Variants in PASK observed in about 807,000 individuals in gnomAD.
PASK encodes PAS domain containing serine/threonine kinase.
Under a neutral mutation model 121.0 loss-of-function variants are expected in PASK, and 110 were observed. The observed-to-expected ratio is 0.91, with a 90% CI of 0.78 to 1.06. The LOEUF (loss-of-function observed/expected upper bound fraction) is 1.06. Among genes scored for constraint, PASK ranks in the 50% least tolerant of loss-of-function variants. PASK has a pLI of 0.00. For synonymous variants in PASK, 686 were observed against 717.8 expected (o/e 0.96, Z 0.71); for missense variants, 1,643 against 1,702.3 (o/e 0.97, Z 0.61).
intron 1 of PASK, among the ~76,000 whole-genome samples, chr2:241,145,007 G>A (rs566285228): frequency 6.6e-5 from 10 of 152,208 alleles, no homozygotes; most frequent in East Asian, 5.8e-4. Flanking sequence ...TCCGCCTCCC[G>A]GGTTCACGCC....
Position 241,107,395 on chromosome 2 carries a change from C to T in PASK, c.3772G>A (p.Ala1258Thr). The T allele has an allele frequency of 1.2e-6, 2 of 1,614,054 alleles. No homozygotes were observed. Reference protein sequence around the residue: ...DPWVTQPVNLADYTWEEVFRV... With the variant: ...DPWVTQPVNLTDYTWEEVFRV... The stretch of plus-strand genomic sequence containing the variant: ...AACACCTCTTCCCATGTATAGTCAG[C>T]AAGATTCACAGGCTGTGTTACCCAC... Residue 1258 changes from alanine to threonine, a missense_variant, in exon 17 of 18, where the codon GCT becomes ACT. By Grantham distance (58) the Ala-to-Thr change is moderately conservative. Coordinates refer to ENST00000234040, the MANE Select transcript of PASK (RefSeq NM_015148.4).
chr2:241,138,587 C>G lies in PASK; in HGVS notation c.741+67G>C, dbSNP rs985302187. On this transcript the variant is annotated intron_variant, in intron 5 of 17. Coordinates refer to ENST00000234040, the MANE Select transcript of PASK (RefSeq NM_015148.4). ...CAAAGGAATGAGACAGGGACCAGCACTTGCTGAAGAGGAGAACGACGCCGG... is the reference window on the plus strand; with the variant it reads ...CAAAGGAATGAGACAGGGACCAGCAGTTGCTGAAGAGGAGAACGACGCCGG... 1.0e-5 allele frequency: 16 copies of G among 1,570,614 alleles called. No homozygotes were observed. In the African/African-American group the frequency reaches 1.6e-4, roughly 16 times the overall value.
At chr2:241,109,808 G>T (rs1221422636) in intron 15 of PASK, 2 of 152,250 alleles carry the variant, frequency 1.3e-5, no homozygotes, top group Non-Finnish European at 2.9e-5. Flanking sequence ...CAATAGAACA[G>T]AACAGAGGTT....
chr2:241,133,230 G>A, intron 8 of PASK, 200 bp from the exon 9 acceptor site: 1 of 645,606 alleles, frequency 1.5e-6, no homozygotes, highest in South Asian at 1.7e-5. Flanking sequence ...CAGGACACCT[G>A]CAGCCAGCTA....
Position 241,132,199 on chromosome 2 carries a change from T to G in PASK, c.1463+675A>C, listed in dbSNP as rs553294603. Among the ~76,000 whole-genome samples, 33 of 152,212 alleles carry G rather than the reference T, an allele frequency of 2.2e-4. 2 individuals are homozygous for G. The South Asian group carries it at 6.6e-3, about 31-fold the overall frequency. ...CCTAATTCTCTAATATAAACTTTCT[T>G]TACTCTAAATAGAATATTTTAAAAT... On this transcript the variant is annotated intron_variant, in intron 9 of 17. Transcript: ENST00000234040.
chr2:241,128,787 G>A (rs952629514), intron 9 of PASK, among the ~76,000 whole-genome samples: 1 of 151,982 alleles, frequency 6.6e-6, no homozygotes, highest in Non-Finnish European at 1.5e-5. Flanking sequence ...CCTCGCTTGA[G>A]CACAGGAGTC....
At chr2:241,139,566 T>TC (rs2066602604) in intron 4 of PASK, 7 of 603,612 alleles carry the variant, frequency 1.2e-5, no homozygotes, top group Non-Finnish European at 2.2e-5. Context: ...GAGCATCTGA[T>TC]GTGCTGCCCG....
At chr2:241,150,006 G>C, upstream of PASK, 3 of 1,404,630 alleles carry the variant, frequency 2.1e-6, no homozygotes, top group Non-Finnish European at 2.8e-6. Context: ...TGCTCTTGCC[G>C]TTCGGCCCAT....
chr2:241,145,696 G>T (rs1198175470), intron 1 of PASK: 1 of 149,132 alleles, frequency 6.7e-6, no homozygotes, highest in Non-Finnish European at 1.5e-5. Context: ...CCAATGTGGT[G>T]AAACCCCATC....
rs573791964 is a variant in PASK, at chr2:241,106,143, G to A, written c.*423C>T. 2.3e-4 allele frequency: 51 copies of A among 225,108 alleles called. No homozygotes were observed. Among genetic ancestry groups the A allele is most frequent in the Non-Finnish European group, 3.8e-4 (43 of 113,154 alleles). 13.9% of individuals were successfully genotyped at this position (225,108 alleles called of 1,614,324 possible). ...GTGCTTTAATTTGAAAAGCATTTGA[G>A]GAAATAAATTAATGAAATAGTCTGG... On this transcript the variant is annotated 3_prime_UTR_variant, in exon 18 of 18. Coordinates refer to ENST00000234040, the MANE Select transcript of PASK (RefSeq NM_015148.4).
At chr2:241,110,371 GC>G (rs1469506908) in intron 15 of PASK, among the ~76,000 whole-genome samples, 5 of 152,218 alleles carry the variant, frequency 3.3e-5, no homozygotes, top group Non-Finnish European at 4.4e-5. Flanking sequence ...CAAGACAGAA[GC>G]CAGGGCCCTG....
intron 12 of PASK, among the ~76,000 whole-genome samples, chr2:241,117,203 G>A (rs551133478): frequency 6.6e-6 from 1 of 152,314 alleles, no homozygotes; most frequent in South Asian, 2.1e-4. Flanking sequence ...AGAGAAGGGG[G>A]CAACTTGGGT....
At position 241,140,770 on chromosome 2, in the gene PASK, AG is replaced by A; in HGVS notation, c.197-18del. The A allele has an allele frequency of 6.4e-7, 1 of 1,558,726 alleles. No homozygotes were observed. The highest frequency in any genetic ancestry group is 1.1e-5 in the South Asian group (1 of 89,814). On this transcript the variant is annotated intron_variant, in intron 2 of 17. Coordinates refer to ENST00000234040, the MANE Select transcript of PASK (RefSeq NM_015148.4). Reference sequence around the variant, plus strand: ...ATCTGTCTTCTGAAAAGAGAAGCGAAGCGAAGCTTTAGACTTCACACAGCTG... The same window carrying A: ...ATCTGTCTTCTGAAAAGAGAAGCGAACGAAGCTTTAGACTTCACACAGCTG...
chr2:241,140,792 A>T, intron 2 of PASK, 39 bp from the exon 3 acceptor site: 1 of 1,355,826 alleles, frequency 7.4e-7, no homozygotes, highest in Non-Finnish European at 1.1e-6. Flanking sequence ...GACTTCACAC[A>T]GCTGCCAGAG....
At position 241,126,382 on chromosome 2, in the gene PASK, C is replaced by T; in HGVS notation, c.2533G>A (p.Gly845Arg). ...HYAASDRESP[G>R]HVPSTLDAGP... The stretch of plus-strand genomic sequence containing the variant: ...GCATCCAACGTGGAAGGAACGTGTC[C>T]TGGGCTTTCTCTGTCGCTTGCTGCA... Residue 845 changes from glycine (G) to arginine (R), a missense_variant, in exon 10 of 18, where the codon GGA (glycine) becomes AGA (arginine). Physicochemically the swap from Gly to Arg is moderately radical, Grantham distance 125. Coordinates refer to ENST00000234040, the MANE Select transcript of PASK (RefSeq NM_015148.4). 6.2e-7 allele frequency: 1 copy of T among 1,614,258 alleles called. No homozygotes were observed. Among genetic ancestry groups the T allele is most frequent in the Non-Finnish European group, 8.5e-7 (1 of 1,180,048 alleles).
chr2:241,126,533 G>A lies in PASK; in HGVS notation c.2382C>T (p.Asp794=). The change falls in exon 10 of 18, where the codon GAC becomes GAT. Residue 794 remains aspartate, a synonymous_variant. Transcript: ENST00000234040. The part of the protein sequence containing the change: ...LQEQGSCVLD[D]RELLLLTGTC... Reference sequence around the variant, plus strand: ...TGCCGGTCAGTAGTAACAGCTCCCTGTCATCCAGGACACACGACCCCTGTT... The same window carrying A: ...TGCCGGTCAGTAGTAACAGCTCCCTATCATCCAGGACACACGACCCCTGTT... 1 of 1,614,250 alleles carries A rather than the reference G, an allele frequency of 6.2e-7. No individual in the cohort carries two copies. Among genetic ancestry groups the A allele is most frequent in the Non-Finnish European group, 8.5e-7 (1 of 1,180,048 alleles).
chr2:241,115,185 G>T lies in PASK; in HGVS notation c.3199-8C>A. 1.2e-6 allele frequency: 2 copies of T among 1,614,062 alleles called. No homozygotes were observed. Among genetic ancestry groups the T allele is most frequent in the Non-Finnish European group, 1.7e-6 (2 of 1,179,984 alleles). On this transcript the variant is annotated splice_polypyrimidine_tract_variant and splice_region_variant and intron_variant, in intron 13 of 17. Coordinates refer to ENST00000234040, the MANE Select transcript of PASK (RefSeq NM_015148.4). ...TTCAAATATATCCAATACCTAGGAA[G>T]AGACAAAGCCAAGTCCAACTCTACC...
At chr2:241,150,302 C>T (rs1029879904), upstream of PASK, 3 of 1,321,762 alleles carry the variant, frequency 2.3e-6, no homozygotes, top group Non-Finnish European at 2.9e-6. Flanking sequence ...CTGAAATTAC[C>T]TGCTCTGGGG....
intron 10 of PASK, among the ~76,000 whole-genome samples, chr2:241,125,939 A>G (rs994980308): frequency 1.3e-5 from 2 of 152,146 alleles, no homozygotes; most frequent in Non-Finnish European, 2.9e-5. Context: ...GTATGGCCTG[A>G]GTCAGGGGGC....
Sources: allele counts gnomAD v4.1 joint callset (sites outside exome capture counted in the v4.1 genomes callset), GRCh38; gene constraint gnomAD v4.1.1; transcripts MANE v1.5; gene names NCBI Gene and HGNC (gene_info 2026-07-23, HGNC 2026-07-21).